The following STON2 variants were observed in gnomAD, a reference collection of about 807,000 sequenced individuals.
The protein encoded by STON2 is stonin 2, also known as stonin-2.
STON2 carries 29 observed loss-of-function variants against 65.7 expected under a neutral mutation model. That is an observed-to-expected ratio of 0.44 (90% CI 0.33 to 0.60). The LOEUF (loss-of-function observed/expected upper bound fraction) is 0.60. Ranked by LOEUF, STON2 falls within the 20% of genes least tolerant of loss-of-function variation. The pLI, the probability that STON2 is intolerant of heterozygous loss-of-function variation, is 0.03. For missense variants in STON2, 1,054 were observed against 1,118.1 expected, an observed-to-expected ratio of 0.94 and a Z score of 0.82; for synonymous variants, 404 against 414.2, an observed-to-expected ratio of 0.98 and a Z score of 0.30.
In STON2 at chr14:81,263,898, C is replaced by T. The variant is rs757922464; in HGVS notation, c.*4516G>A. ...AAACTTATGGTGAAATATATATCAC[C>T]TCTGAAATCATGACTTTATCTCACA... On this transcript the variant is annotated 3_prime_UTR_variant, in exon 8 of 8. Coordinates refer to ENST00000614646, the MANE Select transcript of STON2 (RefSeq NM_001394390.1). 1.2e-5 allele frequency: 12 copies of T among 985,434 alleles called. No homozygotes were observed. The highest frequency in any genetic ancestry group is 1.4e-5 in the Non-Finnish European group (12 of 829,942). The allele number at this position is 985,434 out of a possible 1,614,324, so 61.0% of individuals were successfully genotyped here.
intron 3 of STON2, among the ~76,000 whole-genome samples, chr14:81,376,518 T>C (rs575970861): frequency 3.3e-5 from 5 of 152,194 alleles, no homozygotes; most frequent in Non-Finnish European, 5.9e-5. Context: ...CCAGGTGCTT[T>C]TACTGAAAAG....
chr14:81,281,247 G>A (rs1039903327), intron 5 of STON2, among the ~76,000 whole-genome samples: 1 of 152,004 alleles, frequency 6.6e-6, no homozygotes, highest in Non-Finnish European at 1.5e-5. Context: ...AAAATCGAAG[G>A]GAAAACGGTC....
At chr14:81,411,236 G>T (rs1312427134) in intron 2 of STON2, among the ~76,000 whole-genome samples, 1 of 152,196 alleles carries the variant, frequency 6.6e-6, no homozygotes, top group Non-Finnish European at 1.5e-5. Context: ...AACAGTGAGG[G>T]ATGTTAACAT....
At chr14:81,380,643 TA>T (rs1004577902) in intron 3 of STON2, among the ~76,000 whole-genome samples, 21 of 151,798 alleles carry the variant, frequency 1.4e-4, no homozygotes, top group East Asian at 1.9e-4. Flanking sequence ...TACGCAGCCA[TA>T]AAAAAAATGA....
Position 81,311,325 on chromosome 14 carries a change from T to C in STON2, c.742+12692A>G, listed in dbSNP as rs1266956122. On this transcript the variant is annotated intron_variant, in intron 5 of 7. Transcript: ENST00000614646. ...CTCTGCTCTGCTCTGCTCGCCTCTCTTCCTCACCGAGGCTCCTCCTACCCC... is the reference window on the plus strand; with the variant it reads ...CTCTGCTCTGCTCTGCTCGCCTCTCCTCCTCACCGAGGCTCCTCCTACCCC... 2.0e-5 allele frequency among the ~76,000 whole-genome samples: 3 copies of C among 152,116 alleles called. No homozygotes were observed. The East Asian group carries it at 5.8e-4, about 29-fold the overall frequency.
chr14:81,389,702 G>A (rs993242815), intron 3 of STON2, among the ~76,000 whole-genome samples: 2 of 152,196 alleles, frequency 1.3e-5, no homozygotes, highest in African/African-American at 4.8e-5. Context: ...CTCCAAGTGA[G>A]GAAAACTGGA....
chr14:81,392,620 T>G (rs538185875), intron 3 of STON2, among the ~76,000 whole-genome samples: 72 of 152,366 alleles, frequency 4.7e-4, no homozygotes, highest in African/African-American at 1.7e-3. Flanking sequence ...AAGAATTTTT[T>G]GCATTATGTG....
chr14:81,277,088 G>A lies in STON2; in HGVS notation c.2394C>T (p.Asn798=). The change falls in exon 6 of 8, where the codon AAC becomes AAT. Residue 798 remains asparagine, a synonymous_variant. Coordinates refer to ENST00000614646, the MANE Select transcript of STON2 (RefSeq NM_001394390.1). ...CCCCCAGGACACTTTCCCTGCGGAA[G>A]TTTTTCACCCACTCACTGGGCACAG... is the stretch of plus-strand genomic sequence containing the variant. ...RYPVPSEWVK[N]FRRESVLGEK... 1 of 1,614,224 alleles carries A rather than the reference G, an allele frequency of 6.2e-7. No individual in the cohort carries two copies.
intron 2 of STON2, among the ~76,000 whole-genome samples, chr14:81,425,748 G>A (rs1901939382): frequency 6.6e-6 from 1 of 152,160 alleles, no homozygotes. Flanking sequence ...CTGAATGCTT[G>A]AGCATCTGCG....
chr14:81,347,902 C>CAAAAAAAA (rs755109204), intron 4 of STON2, among the ~76,000 whole-genome samples: 29 of 51,554 alleles, frequency 5.6e-4, no homozygotes, highest in African/African-American at 1.3e-3. Flanking sequence ...TGTCTCTTAC[C>CAAAAAAAA]AAAAAAAAAA....
intron 4 of STON2, among the ~76,000 whole-genome samples, chr14:81,356,368 G>A (rs1055720512): frequency 2.0e-5 from 3 of 152,120 alleles, no homozygotes; most frequent in African/African-American, 4.8e-5. Context: ...CCACTTGATC[G>A]TGGTGGATAA....
rs540560049 is a variant in STON2, at chr14:81,398,457, G to A, written c.-75C>T. 1.7e-5 allele frequency: 20 copies of A among 1,197,018 alleles called. No individual in the cohort carries two copies. In the African/African-American group the frequency reaches 2.8e-4, roughly 17 times the overall value. 74.1% of individuals were successfully genotyped at this position (1,197,018 alleles called of 1,614,324 possible). On this transcript the variant is annotated 5_prime_UTR_variant, in exon 2 of 8. Transcript: ENST00000614646. The stretch of plus-strand genomic sequence containing the variant: ...AGAATACTGTCTGGGGTGGGCTGGA[G>A]TAGGGGTATGGTAGTACGGTAGACT...
At chr14:81,293,041 T>C (rs970066494) in intron 5 of STON2, among the ~76,000 whole-genome samples, 8 of 152,188 alleles carry the variant, frequency 5.3e-5, no homozygotes, top group Non-Finnish European at 1.2e-4. Context: ...CCATGATGCA[T>C]GTAATTCAAG....
At chr14:81,281,077 A>G (rs187806368) in intron 5 of STON2, among the ~76,000 whole-genome samples, 217 of 152,228 alleles carry the variant, frequency 1.4e-3, no homozygotes, top group African/African-American at 4.9e-3. Flanking sequence ...ATGCATATAC[A>G]TATACACATA....
At chr14:81,331,936 T>C (rs1291492454) in intron 4 of STON2, among the ~76,000 whole-genome samples, 3 of 152,244 alleles carry the variant, frequency 2.0e-5, no homozygotes, top group African/African-American at 7.2e-5. Flanking sequence ...CATGACTGTC[T>C]GAGAGAAACT....
chr14:81,375,718 C>T (rs563029584), intron 3 of STON2, among the ~76,000 whole-genome samples: 6 of 151,568 alleles, frequency 4.0e-5, no homozygotes, highest in African/African-American at 7.3e-5. Flanking sequence ...TACACTCAAC[C>T]GGTGAAGAAT....
At chr14:81,392,748 T>C (rs1237553525) in intron 3 of STON2, among the ~76,000 whole-genome samples, 1 of 152,232 alleles carries the variant, frequency 6.6e-6, no homozygotes, top group Admixed American at 6.5e-5. Context: ...AAGTGCTTCA[T>C]GTATTTTTTC....
rs557475815 is a variant in STON2, at chr14:81,265,162, T to C, written c.*3252A>G. On this transcript the variant is annotated 3_prime_UTR_variant, in exon 8 of 8. Coordinates refer to ENST00000614646, the MANE Select transcript of STON2 (RefSeq NM_001394390.1). ...AGGTAATTTGCCCAACTGTTTTCTA[T>C]GTAGGTTATTACATAGCTAATTTGC... 1.9e-5 allele frequency: 19 copies of C among 982,728 alleles called. 1 individual carries two copies. In the South Asian group the frequency reaches 8.5e-4, roughly 44 times the overall value. 60.9% of individuals were successfully genotyped at this position (982,728 alleles called of 1,614,324 possible).
At chr14:81,409,247 A>G (rs1566947925) in intron 2 of STON2, among the ~76,000 whole-genome samples, 2 of 152,016 alleles carry the variant, frequency 1.3e-5, no homozygotes, top group East Asian at 1.9e-4. Flanking sequence ...TCTACTAAAA[A>G]TACGAAAATT....
Sources: allele counts gnomAD v4.1 joint callset (sites outside exome capture counted in the v4.1 genomes callset), GRCh38; gene constraint gnomAD v4.1.1; transcripts MANE v1.5; gene names NCBI Gene and HGNC (gene_info 2026-07-23, HGNC 2026-07-21).